Variants in ATP11A observed in about 807,000 individuals in gnomAD.
The protein encoded by ATP11A is ATPase phospholipid transporting 11A, also known as phospholipid-transporting ATPase IH.
ATP11A carries 81 observed loss-of-function variants against 154.4 expected under a neutral mutation model. The observed-to-expected ratio is 0.52, with a 90% confidence interval of 0.44 to 0.63. The LOEUF (loss-of-function observed/expected upper bound fraction) is 0.63. ATP11A is among the 30% of genes least tolerant of loss of function. The pLI, the probability that ATP11A is intolerant of heterozygous loss-of-function variation, is 0.00. For synonymous variants in ATP11A, 623 were observed against 585.9 expected, an observed-to-expected ratio of 1.06 and a Z score of -0.91; for missense variants, 1,316 against 1,474.3, an observed-to-expected ratio of 0.89 and a Z score of 1.76.
intron 1 of ATP11A, among the ~76,000 whole-genome samples, chr13:112,758,921 G>C (rs777443999): frequency 2.6e-5 from 4 of 152,134 alleles, no homozygotes; most frequent in Non-Finnish European, 5.9e-5. Flanking sequence ...GCTTTAGAAC[G>C]TACAGTTTTG....
rs1412395574 is a variant in ATP11A, at chr13:112,882,994, GTCCCCACGTCCCCTCGTCCCA to G, written c.*1144_*1164del. ...TGCAGCTCCGCCCGCCGGGCTCTGC[GTCCCCACGTCCCCTCGTCCCA>G]TCCCCACGTCCCCTCATCCCGTCAC... On this transcript the variant is annotated 3_prime_UTR_variant, in exon 30 of 30. Coordinates refer to ENST00000375645, the MANE Select transcript of ATP11A (RefSeq NM_015205.3). This position sits in a 1 kb window ranked among gnomAD's most constrained non-coding sequence, Gnocchi z 5.1. The G allele has an allele frequency of 2.0e-5, 8 of 398,936 alleles. No individual in the cohort carries two copies. The highest frequency in any genetic ancestry group is 6.2e-4 in the Middle Eastern group (1 of 1,610). 24.7% of individuals were successfully genotyped at this position (398,936 alleles called of 1,614,324 possible).
intron 17 of ATP11A, among the ~76,000 whole-genome samples, chr13:112,846,392 G>C (rs116719113): frequency 5.9e-4 from 90 of 152,088 alleles, no homozygotes; most frequent in Non-Finnish European, 9.7e-4. Context: ...CCCGTGCAGC[G>C]TCTAACCTGT....
intron 17 of ATP11A, among the ~76,000 whole-genome samples, chr13:112,843,294 G>T (rs1201860942): frequency 6.6e-6 from 1 of 151,910 alleles, no homozygotes; most frequent in African/African-American, 2.4e-5. Flanking sequence ...GGGTGGGCGC[G>T]TTCCCTCCCA....
At chr13:112,745,981 T>C (rs1892083978) in intron 1 of ATP11A, 1 of 152,278 alleles carries the variant, frequency 6.6e-6, no homozygotes, top group Non-Finnish European at 1.5e-5. Flanking sequence ...TCTGTGATTT[T>C]GACCACTTTA....
At chr13:112,741,250 G>A (rs553087178) in intron 1 of ATP11A, among the ~76,000 whole-genome samples, 1 of 150,624 alleles carries the variant, frequency 6.6e-6, no homozygotes, top group Admixed American at 6.6e-5. Context: ...AGCCACACTG[G>A]GGGTGGAGAA....
chr13:112,724,140 C>T lies in ATP11A; in HGVS notation c.39+33685C>T, dbSNP rs1474983146. On this transcript the variant is annotated intron_variant, in intron 1 of 29. Coordinates refer to ENST00000375645, the MANE Select transcript of ATP11A (RefSeq NM_015205.3). ...CCCCCTTCTCCCCCATCGCCCCCTT[C>T]ACCCCCTTTGCCCCTATTGCCCCCT... Among the ~76,000 whole-genome samples the T allele has an allele frequency of 3.2e-5, 4 of 124,514 alleles. No individual in the cohort carries two copies. In the Admixed American group the frequency reaches 3.3e-4, roughly 10 times the overall value. 81.7% of individuals were successfully genotyped at this position (124,514 alleles called of 152,430 possible).
At chr13:112,810,109 G>A (rs1176457105) in intron 4 of ATP11A, among the ~76,000 whole-genome samples, 1 of 152,190 alleles carries the variant, frequency 6.6e-6, no homozygotes, top group Non-Finnish European at 1.5e-5. Flanking sequence ...GAGAGTCTGG[G>A]CTGCCAGATC....
chr13:112,860,214 T>C, intron 23 of ATP11A, 73 bp from the exon 24 acceptor site: 1 of 1,532,232 alleles, frequency 6.5e-7, no homozygotes, highest in Non-Finnish European at 8.8e-7. Flanking sequence ...AAAGAAAATA[T>C]ATTTAATCAA....
At position 112,785,308 on chromosome 13, in the gene ATP11A, C is replaced by CG. The variant is rs763013321; in HGVS notation, c.162+57dup. On this transcript the variant is annotated intron_variant, in intron 2 of 29. Coordinates refer to ENST00000375645, the MANE Select transcript of ATP11A (RefSeq NM_015205.3). The surrounding 1 kb of genome is among the most constrained non-coding windows in gnomAD (Gnocchi z 4.8). Reference sequence around the variant, plus strand: ...CATAATGTGTCTAAAAAGCAGCTGCCGGGGGGTGTTAGTGCTTCTCGGTTT... The same window carrying CG: ...CATAATGTGTCTAAAAAGCAGCTGCCGGGGGGGTGTTAGTGCTTCTCGGTTT... 1.2e-5 allele frequency: 17 copies of CG among 1,372,594 alleles called. No homozygotes were observed. The highest frequency in any genetic ancestry group is 1.5e-5 in the African/African-American group (1 of 66,594). The allele number at this position is 1,372,594 out of a possible 1,614,324, so 85.0% of individuals were successfully genotyped here.
intron 1 of ATP11A, among the ~76,000 whole-genome samples, chr13:112,711,157 G>A (rs915411110): frequency 3.9e-5 from 6 of 152,096 alleles, no homozygotes; most frequent in African/African-American, 7.2e-5. Flanking sequence ...GGCCGCGTGC[G>A]GCTCTTCCGA....
chr13:112,857,871 C>T lies in ATP11A; in HGVS notation c.2472C>T (p.Gly824=), dbSNP rs749107742. ...SKEHPITLAI[G]DGANDVSMIL... ...AGCACCCAATCACGTTAGCAATTGG[C>T]GATGGTGCAAATGATGTCAGCATGA... The change falls in exon 21 of 30, where the codon GGC becomes GGT. Residue 824 remains glycine (G), a synonymous_variant. Coordinates refer to ENST00000375645, the MANE Select transcript of ATP11A (RefSeq NM_015205.3). 26 of 1,614,202 alleles carry T rather than the reference C, an allele frequency of 1.6e-5. No homozygotes were observed. The highest frequency in any genetic ancestry group is 1.9e-5 in the Non-Finnish European group (23 of 1,180,028).
intron 1 of ATP11A, among the ~76,000 whole-genome samples, chr13:112,751,958 A>G (rs1566426347): frequency 6.6e-6 from 1 of 152,222 alleles, no homozygotes; most frequent in Non-Finnish European, 1.5e-5. Flanking sequence ...TATATATGTC[A>G]TTGCATCTTT....
intron 1 of ATP11A, among the ~76,000 whole-genome samples, chr13:112,718,860 A>G (rs1888818247): frequency 6.6e-6 from 1 of 151,742 alleles, no homozygotes; most frequent in African/African-American, 2.4e-5. Context: ...TTGTATTTTT[A>G]GTAGAGATGG....
intron 6 of ATP11A, among the ~76,000 whole-genome samples, chr13:112,818,294 G>A (rs898700763): frequency 5.0e-4 from 72 of 143,398 alleles, no homozygotes; most frequent in African/African-American, 1.7e-3. Flanking sequence ...GGTGACAGGC[G>A]ATGACCGTTG....
At chr13:112,777,001 C>T (rs1036888095) in intron 1 of ATP11A, among the ~76,000 whole-genome samples, 7 of 152,192 alleles carry the variant, frequency 4.6e-5, no homozygotes, top group African/African-American at 7.2e-5. Context: ...TCTTCTGAAA[C>T]GCAGCGTCTT....
intron 8 of ATP11A, 69 bp downstream of exon 8, chr13:112,820,019 G>C: frequency 1.4e-6 from 2 of 1,438,994 alleles, no homozygotes; most frequent in Non-Finnish European, 1.9e-6. Context: ...ATTCTTTGAC[G>C]GACAAGGGTT....
intron 1 of ATP11A, among the ~76,000 whole-genome samples, chr13:112,692,520 C>T (rs1433920467): frequency 6.6e-6 from 1 of 152,206 alleles, no homozygotes; most frequent in Non-Finnish European, 1.5e-5. Context: ...GCGTAGCTTG[C>T]ATTTTTAATT....
chr13:112,797,302 A>T (rs2140102323), intron 2 of ATP11A, among the ~76,000 whole-genome samples: 1 of 151,364 alleles, frequency 6.6e-6, no homozygotes, highest in Admixed American at 6.6e-5. Flanking sequence ...AAAAAAAAAA[A>T]AAAGGTAAAC....
chr13:112,808,715 C>T (rs7998270), intron 4 of ATP11A, among the ~76,000 whole-genome samples: 18,375 of 152,136 alleles, frequency 0.12, 1,332 homozygotes, highest in Admixed American at 0.17. Context: ...ACCATCTCCC[C>T]GCTGTCTCCG....
Sources: allele counts gnomAD v4.1 joint callset (sites outside exome capture counted in the v4.1 genomes callset), GRCh38; gene constraint gnomAD v4.1.1; non-coding constraint Gnocchi (gnomAD v3.1); transcripts MANE v1.5; gene names NCBI Gene and HGNC (gene_info 2026-07-23, HGNC 2026-07-21).